Variants in ME1 observed in about 807,000 individuals in gnomAD.
The protein encoded by ME1 is malic enzyme 1.
Under a neutral mutation model 66.4 loss-of-function variants are expected in ME1, and 74 were observed. That is an observed-to-expected ratio of 1.11 (90% CI 0.92 to 1.35). The LOEUF (loss-of-function observed/expected upper bound fraction) is 1.35, where lower values mean the gene tolerates loss of function less well. Among genes scored for constraint, ME1 ranks in the 40% most tolerant of loss-of-function variants. The pLI, the probability that ME1 is intolerant of heterozygous loss-of-function variation, is 0.00. For synonymous variants in ME1, 251 were observed against 235.6 expected (o/e 1.07, Z -0.60); for missense variants, 750 against 694.1 (o/e 1.08, Z -0.90).
chr6:83,376,237 G>A (rs1281636832), intron 3 of ME1, among the ~76,000 whole-genome samples: 2 of 152,074 alleles, frequency 1.3e-5, no homozygotes, highest in African/African-American at 4.8e-5. Context: ...TGAGCACGAT[G>A]GCTCATGCCA....
chr6:83,297,206 A>T (rs984939368), intron 6 of ME1, among the ~76,000 whole-genome samples: 4 of 152,146 alleles, frequency 2.6e-5, no homozygotes, highest in African/African-American at 9.7e-5. Flanking sequence ...CCCATTCACA[A>T]TTGCCATAAA....
intron 5 of ME1, among the ~76,000 whole-genome samples, chr6:83,330,565 G>C (rs972040646): frequency 6.6e-6 from 1 of 152,140 alleles, no homozygotes. Flanking sequence ...GTATTATTAA[G>C]TTATTTCGAA....
intron 3 of ME1, among the ~76,000 whole-genome samples, chr6:83,376,638 CAA>C (rs1347994901): frequency 9.6e-5 from 13 of 135,416 alleles, no homozygotes; most frequent in Admixed American, 7.5e-5. Flanking sequence ...CCATCTCTGT[CAA>C]AAAAAAAAAA....
intron 1 of ME1, 72 bp downstream of exon 1, chr6:83,430,804 CG>C: frequency 1.5e-6 from 2 of 1,325,792 alleles, no homozygotes; most frequent in Non-Finnish European, 1.1e-6. Context: ...GGCCATGGTG[CG>C]GGGACCTGCA....
chr6:83,288,280 A>C (rs1273072423), intron 6 of ME1, among the ~76,000 whole-genome samples: 2 of 151,826 alleles, frequency 1.3e-5, no homozygotes, highest in African/African-American at 4.8e-5. Flanking sequence ...GGATTTTTAC[A>C]GTCCTAGGTC....
At chr6:83,352,389 T>A (rs139054040) in intron 3 of ME1, among the ~76,000 whole-genome samples, 199 of 152,262 alleles carry the variant, frequency 1.3e-3, no homozygotes, top group African/African-American at 4.5e-3. Context: ...TAAAATATTT[T>A]TAAATTAATA....
chr6:83,269,910 T>C (rs1435687791), intron 6 of ME1, among the ~76,000 whole-genome samples: 2 of 152,190 alleles, frequency 1.3e-5, no homozygotes, highest in Admixed American at 1.3e-4. Flanking sequence ...TCTAAAAATA[T>C]CTTTGTCTCA....
chr6:83,310,745 GA>G (rs891843954), intron 6 of ME1, among the ~76,000 whole-genome samples: 2 of 151,550 alleles, frequency 1.3e-5, no homozygotes, highest in Admixed American at 6.6e-5. Context: ...AGGACAATGG[GA>G]AAAAAAACAC....
At position 83,371,769 on chromosome 6, in the gene ME1, T is replaced by A. The variant is rs148725441; in HGVS notation, c.363-19630A>T. 2.0e-5 allele frequency among the ~76,000 whole-genome samples: 3 copies of A among 152,338 alleles called. No homozygotes were observed. The East Asian group carries it at 5.8e-4, about 29-fold the overall frequency. ...TCACCTCTGCACAAATTCAAATTTA[T>A]GCTACTACTGAAAATCTGTCACTAG... is the stretch of plus-strand genomic sequence containing the variant. On this transcript the variant is annotated intron_variant, in intron 3 of 13. Coordinates refer to ENST00000369705, the MANE Select transcript of ME1 (RefSeq NM_002395.6).
intron 1 of ME1, among the ~76,000 whole-genome samples, chr6:83,424,026 G>T (rs1454255554): frequency 6.6e-6 from 1 of 151,262 alleles, no homozygotes; most frequent in Non-Finnish European, 1.5e-5. Flanking sequence ...GAGTCTGGGA[G>T]GTCAAGGCTG....
intron 1 of ME1, among the ~76,000 whole-genome samples, chr6:83,430,641 G>A (rs949098034): frequency 1.3e-5 from 2 of 152,226 alleles, no homozygotes; most frequent in African/African-American, 4.8e-5. Flanking sequence ...CCCTAACATG[G>A]GATGCCGAGG....
intron 5 of ME1, among the ~76,000 whole-genome samples, chr6:83,337,957 G>A (rs1268997324): frequency 8.4e-5 from 2 of 23,930 alleles, no homozygotes; most frequent in East Asian, 2.5e-3. Flanking sequence ...AGTGTTGGAA[G>A]TTCTGGCCAG....
chr6:83,301,739 T>C (rs1168266174), intron 6 of ME1, among the ~76,000 whole-genome samples: 2 of 152,140 alleles, frequency 1.3e-5, no homozygotes, highest in African/African-American at 4.8e-5. Context: ...GTCAAAACCA[T>C]AATGAGATAA....
At chr6:83,256,242 C>T (rs1000376834) in intron 6 of ME1, among the ~76,000 whole-genome samples, 1 of 152,054 alleles carries the variant, frequency 6.6e-6, no homozygotes, top group African/African-American at 2.4e-5. Context: ...ATGTTAAGTG[C>T]TCAATGCAAT....
intron 7 of ME1, among the ~76,000 whole-genome samples, chr6:83,241,844 C>A (rs1278362917): frequency 3.9e-5 from 6 of 151,982 alleles, no homozygotes; most frequent in African/African-American, 1.5e-4. Context: ...TATCTTCATA[C>A]TATCAGTTTT....
intron 3 of ME1, among the ~76,000 whole-genome samples, chr6:83,358,759 G>A (rs1768949001): frequency 6.6e-6 from 1 of 152,070 alleles, no homozygotes; most frequent in Non-Finnish European, 1.5e-5. Context: ...TCCCCTCCTG[G>A]ACCCATGATG....
intron 1 of ME1, among the ~76,000 whole-genome samples, chr6:83,419,918 T>C (rs1385014071): frequency 2.6e-5 from 4 of 152,140 alleles, no homozygotes; most frequent in African/African-American, 9.7e-5. Flanking sequence ...TATGTGACCA[T>C]ATGACAGAGT....
chr6:83,284,203 A>C (rs1280418954), intron 6 of ME1, among the ~76,000 whole-genome samples: 1 of 152,168 alleles, frequency 6.6e-6, no homozygotes, highest in Non-Finnish European at 1.5e-5. Context: ...TGCAACCCTA[A>C]TAAGAACATA....
At chr6:83,395,268 G>A (rs1006349161) in intron 3 of ME1, among the ~76,000 whole-genome samples, 2 of 151,578 alleles carry the variant, frequency 1.3e-5, no homozygotes, top group African/African-American at 4.8e-5. Context: ...TGTATTTTTA[G>A]TAGAGATAGG....
Sources: allele counts gnomAD v4.1 joint callset (sites outside exome capture counted in the v4.1 genomes callset), GRCh38; gene constraint gnomAD v4.1.1; transcripts MANE v1.5; gene names NCBI Gene and HGNC (gene_info 2026-07-23, HGNC 2026-07-21).